The following HTR1D variants were observed in gnomAD, a reference collection of about 807,000 sequenced individuals.
The protein encoded by HTR1D is 5-HT-1D.
HTR1D carries 18 observed loss-of-function variants against 21.1 expected under a neutral mutation model. That is an observed-to-expected ratio of 0.85 (90% confidence interval 0.59 to 1.27). The LOEUF is 1.27. Among genes scored for constraint, HTR1D ranks in the 50% most tolerant of loss-of-function variants. HTR1D has a pLI of 0.00. For synonymous variants in HTR1D, 196 were observed against 204.4 expected (o/e 0.96, Z 0.35); for missense variants, 456 against 481.4 (o/e 0.95, Z 0.49).
chr1:23,206,051 T>C (rs1054963980), intron 1 of HTR1D, among the ~76,000 whole-genome samples: 2 of 150,412 alleles, frequency 1.3e-5, no homozygotes, highest in African/African-American at 4.9e-5. Flanking sequence ...CTTCCTTTCT[T>C]TTTTTTTTGA....
chr1:23,194,485 G>T lies in HTR1D; in HGVS notation c.-266C>A, dbSNP rs537131788. ...AGACAACTACCAGCTGGTAGTTAAA[G>T]GTCTTTCCTAAACCACAGGAATCCC... is the stretch of plus-strand genomic sequence containing the variant. On this transcript the variant is annotated 5_prime_UTR_variant, in exon 2 of 2. Coordinates refer to ENST00000374619, the MANE Select transcript of HTR1D (RefSeq NM_000864.5). 1.3e-5 allele frequency: 3 copies of T among 229,598 alleles called. No homozygotes were observed. Among genetic ancestry groups the T allele is most frequent in the Non-Finnish European group, 2.8e-5 (3 of 108,178 alleles). 14.2% of individuals were successfully genotyped at this position (229,598 alleles called of 1,614,324 possible). A position where few individuals can be genotyped will look rare whatever the true frequency, so the allele number is the denominator to read the frequency against.
chr1:23,201,426 T>C (rs1644708786), intron 1 of HTR1D, among the ~76,000 whole-genome samples: 1 of 152,198 alleles, frequency 6.6e-6, no homozygotes, highest in Non-Finnish European at 1.5e-5. Flanking sequence ...CATCCCTGTA[T>C]GTCCATGAGC....
chr1:23,215,435 G>A (rs1421697251), intron 1 of HTR1D, among the ~76,000 whole-genome samples: 1 of 152,112 alleles, frequency 6.6e-6, no homozygotes, highest in Non-Finnish European at 1.5e-5. Flanking sequence ...AAACAAATAA[G>A]CAAAAAGACT....
intron 1 of HTR1D, among the ~76,000 whole-genome samples, chr1:23,199,613 T>C (rs1644702488): frequency 6.6e-6 from 1 of 151,708 alleles, no homozygotes. Context: ...ATTTTTTAAG[T>C]AGGTGGTGAG....
At chr1:23,212,884 C>A (rs938875056) in intron 1 of HTR1D, among the ~76,000 whole-genome samples, 1 of 151,228 alleles carries the variant, frequency 6.6e-6, no homozygotes, top group South Asian at 2.1e-4. Context: ...TGGAGCACAG[C>A]GGCTCAATCT....
At chr1:23,213,458 C>T (rs1644761679) in intron 1 of HTR1D, among the ~76,000 whole-genome samples, 1 of 150,648 alleles carries the variant, frequency 6.6e-6, no homozygotes, top group South Asian at 2.1e-4. Flanking sequence ...CCAGCCTGGG[C>T]GACAGAGACA....
At position 23,193,461 on chromosome 1, in the gene HTR1D, G is replaced by C. The variant is rs775198450; in HGVS notation, c.759C>G (p.Leu253=). The change falls in exon 2 of 2, where the codon CTC becomes CTG. Residue 253 remains leucine, a synonymous_variant. Coordinates refer to ENST00000374619, the MANE Select transcript of HTR1D (RefSeq NM_000864.5). ...HLITGSAGSS[L]CSLNSSLHEG... ...CATGGAGGCTGGAGTTGAGCGAGCAGAGCGAGGACCCGGCAGAGCCTGTGA... is the reference window on the plus strand; with the variant it reads ...CATGGAGGCTGGAGTTGAGCGAGCACAGCGAGGACCCGGCAGAGCCTGTGA... 10 of 1,614,116 alleles carry C rather than the reference G, an allele frequency of 6.2e-6. No individual in the cohort carries two copies. In the East Asian group the frequency reaches 2.2e-4, roughly 36 times the overall value.
chr1:23,201,880 A>G (rs1471569831), intron 1 of HTR1D, among the ~76,000 whole-genome samples: 1 of 151,792 alleles, frequency 6.6e-6, no homozygotes, highest in East Asian at 2.0e-4. Context: ...GTTCCTTCCC[A>G]CCAACCAATC....
intron 1 of HTR1D, among the ~76,000 whole-genome samples, chr1:23,212,695 C>T (rs1644758097): frequency 6.6e-6 from 1 of 152,158 alleles, no homozygotes; most frequent in Non-Finnish European, 1.5e-5. Flanking sequence ...AGAATACTGA[C>T]AGTTTCACCT....
intron 1 of HTR1D, among the ~76,000 whole-genome samples, chr1:23,201,654 T>C (rs568108343): frequency 1.8e-4 from 27 of 152,044 alleles, no homozygotes; most frequent in Non-Finnish European, 2.8e-4. Flanking sequence ...CAGGTTCAAG[T>C]GATCCTTCCA....
intron 1 of HTR1D, among the ~76,000 whole-genome samples, chr1:23,206,001 C>T (rs187292923): frequency 1.3e-5 from 2 of 152,230 alleles, no homozygotes; most frequent in Admixed American, 1.3e-4. Context: ...CTACCCCTGG[C>T]TCCTCTCCAT....
chr1:23,197,451 C>T (rs1644693065), intron 1 of HTR1D, among the ~76,000 whole-genome samples: 1 of 152,150 alleles, frequency 6.6e-6, no homozygotes, highest in African/African-American at 2.4e-5. Context: ...AAAATACAGG[C>T]CAGGCGTGGT....
At chr1:23,211,052 G>A (rs987639479) in intron 1 of HTR1D, among the ~76,000 whole-genome samples, 3 of 152,156 alleles carry the variant, frequency 2.0e-5, no homozygotes, top group Non-Finnish European at 4.4e-5. Context: ...TTCATCATCT[G>A]CTTTTTCTTT....
chr1:23,215,662 C>T (rs1644770999), intron 1 of HTR1D, among the ~76,000 whole-genome samples: 1 of 152,216 alleles, frequency 6.6e-6, no homozygotes, highest in Non-Finnish European at 1.5e-5. Flanking sequence ...AGCCAGTGGT[C>T]CCGCCCTCAT....
chr1:23,206,243 C>CGTG (rs1449490983), intron 1 of HTR1D, among the ~76,000 whole-genome samples: 1 of 151,924 alleles, frequency 6.6e-6, no homozygotes, highest in African/African-American at 2.4e-5. Flanking sequence ...GGGGTTTCAC[C>CGTG]GTGGTTTCGA....
At chr1:23,201,647 G>T (rs1326177950) in intron 1 of HTR1D, among the ~76,000 whole-genome samples, 1 of 152,094 alleles carries the variant, frequency 6.6e-6, no homozygotes, top group East Asian at 1.9e-4. Context: ...GATCTCCCAG[G>T]TTCAAGTGAT....
Position 23,193,049 on chromosome 1 carries a change from G to C in HTR1D, c.*37C>G. The C allele has an allele frequency of 7.1e-7, 1 of 1,413,224 alleles. No individual in the cohort carries two copies. The highest frequency in any genetic ancestry group is 9.7e-7 in the Non-Finnish European group (1 of 1,030,776). 87.5% of individuals were successfully genotyped at this position (1,413,224 alleles called of 1,614,324 possible). A position where few individuals can be genotyped will look rare whatever the true frequency, so the allele number is the denominator to read the frequency against. ...AAAAGACAATCCCGATGAGGTTACA[G>C]GACACAAAAGATAACAAGAGTCATC... On this transcript the variant is annotated 3_prime_UTR_variant, in exon 2 of 2. Transcript: ENST00000374619.
chr1:23,214,281 G>A (rs1365083175), intron 1 of HTR1D, among the ~76,000 whole-genome samples: 7 of 152,068 alleles, frequency 4.6e-5, no homozygotes, highest in Non-Finnish European at 2.9e-5. Context: ...ACAAAAATTA[G>A]CTGGGCATGA....
intron 1 of HTR1D, among the ~76,000 whole-genome samples, chr1:23,202,010 CCTAGCACAGTGG>C (rs1301731857): frequency 6.6e-6 from 1 of 152,124 alleles, no homozygotes; most frequent in African/African-American, 2.4e-5. Context: ...GGAGAACATG[CCTAGCACAGTGG>C]CTGGCACACA....
Sources: gnomAD v4.1 joint callset for allele counts (sites outside exome capture counted in the v4.1 genomes callset) on GRCh38, gnomAD v4.1.1 for gene constraint, MANE v1.5 for transcripts, NCBI Gene and HGNC (gene_info 2026-07-23, HGNC 2026-07-21) for gene names.